CCND3: variants seen among roughly 807,000 people sequenced by gnomAD.
The protein encoded by CCND3 is cyclin D3.
In CCND3, 9 loss-of-function variants were observed where a neutral mutation model predicts 28.7. That is an observed-to-expected ratio of 0.31 (90% CI 0.19 to 0.55). The LOEUF (loss-of-function observed/expected upper bound fraction) is 0.55, where lower values mean the gene tolerates loss of function less well. Ranked by LOEUF, CCND3 falls within the 20% of genes least tolerant of loss-of-function variation. The pLI is 0.93. For synonymous variants in CCND3, 164 were observed against 163.9 expected (o/e 1.00, Z 0.00); for missense variants, 315 against 385.8 (o/e 0.82, Z 1.54).
intron 1 of CCND3, among the ~76,000 whole-genome samples, chr6:42,044,875 G>A (rs965262411): frequency 6.6e-6 from 1 of 150,926 alleles, no homozygotes; most frequent in Non-Finnish European, 1.5e-5. Context: ...TGCAACCTCC[G>A]CCTCCCGGGT....
At chr6:41,999,857 C>T (rs913262659) in intron 1 of CCND3, among the ~76,000 whole-genome samples, 1 of 152,170 alleles carries the variant, frequency 6.6e-6, no homozygotes, top group Non-Finnish European at 1.5e-5. Context: ...TGCCACTGCA[C>T]TCCAGCCTGG....
chr6:41,940,933 C>T lies in CCND3; in HGVS notation c.199-348G>A, dbSNP rs778298773. On this transcript the variant is annotated intron_variant, in intron 1 of 4. Coordinates refer to ENST00000372991, the MANE Select transcript of CCND3 (RefSeq NM_001760.5). Reference sequence around the variant, plus strand: ...GAGAGCTGGGACCTCACCCCCATCACCGCCACCACTGCACACACCCGAGGG... The same window carrying T: ...GAGAGCTGGGACCTCACCCCCATCATCGCCACCACTGCACACACCCGAGGG... 7 of 1,606,922 alleles carry T rather than the reference C, an allele frequency of 4.4e-6. No individual in the cohort carries two copies. In the Admixed American group the frequency reaches 6.7e-5, roughly 15 times the overall value.
intron 1 of CCND3, among the ~76,000 whole-genome samples, chr6:42,039,339 G>C (rs9394855): frequency 0.092 from 14,016 of 152,278 alleles, 762 homozygotes; most frequent in East Asian, 0.22. Flanking sequence ...CAAGGCCTCT[G>C]AGACTTACAG....
Position 41,938,717 on chromosome 6 carries a change from G to A in CCND3, c.415-1323C>T, listed in dbSNP as rs1409623577. ...TGGGAGTGCTTAGCTTCAGTAGGTG[G>A]CAGCGGCCATCACATTCCTGACTTT... On this transcript the variant is annotated intron_variant, in intron 2 of 4. Transcript: ENST00000372991. This position sits in a 1 kb window ranked among gnomAD's most constrained non-coding sequence, Gnocchi z 4.6. Among the ~76,000 whole-genome samples the A allele has an allele frequency of 6.6e-6, 1 of 152,144 alleles. No individual in the cohort carries two copies. Among genetic ancestry groups the A allele is most frequent in the Non-Finnish European group, 1.5e-5 (1 of 68,018 alleles).
At chr6:41,966,363 T>G (rs1389526401) in intron 1 of CCND3, among the ~76,000 whole-genome samples, 2 of 151,952 alleles carry the variant, frequency 1.3e-5, no homozygotes, top group Non-Finnish European at 2.9e-5. Flanking sequence ...GAGGCTGCAA[T>G]GAGCCATAAT....
intron 1 of CCND3, among the ~76,000 whole-genome samples, chr6:41,994,536 C>G (rs2127417686): frequency 6.6e-6 from 1 of 152,222 alleles, no homozygotes; most frequent in South Asian, 2.1e-4. Flanking sequence ...TATATTACTA[C>G]AATGGTGGAT....
intron 1 of CCND3, among the ~76,000 whole-genome samples, chr6:42,026,477 C>T (rs1428799255): frequency 6.6e-6 from 1 of 152,156 alleles, no homozygotes; most frequent in Non-Finnish European, 1.5e-5. Flanking sequence ...GTTCTGGTCC[C>T]TCTGCTCTAG....
intron 1 of CCND3, among the ~76,000 whole-genome samples, chr6:42,022,794 A>G (rs571914589): frequency 6.6e-6 from 1 of 152,092 alleles, no homozygotes; most frequent in Admixed American, 6.5e-5. Context: ...GGGCTTCCTC[A>G]CCCCTCCGCC....
At chr6:41,972,240 A>AAAAAGAAAAGAAAAGAAAAGAAAAG (rs759984779) in intron 1 of CCND3, among the ~76,000 whole-genome samples, 6 of 99,760 alleles carry the variant, frequency 6.0e-5, no homozygotes, top group South Asian at 7.2e-4. Context: ...AAAAAAAAAA[A>AAAAAGAAAAGAAAAGAAAAGAAAAG]AAAAGAAAAG....
intron 1 of CCND3, among the ~76,000 whole-genome samples, chr6:41,948,207 T>C (rs769406818): frequency 1.3e-5 from 2 of 152,180 alleles, no homozygotes; most frequent in Non-Finnish European, 2.9e-5. Flanking sequence ...ATTTTTCTGC[T>C]TACCACTGAT....
intron 1 of CCND3, among the ~76,000 whole-genome samples, chr6:41,987,582 G>A (rs926241515): frequency 3.5e-5 from 5 of 143,060 alleles, no homozygotes; most frequent in African/African-American, 1.0e-4. Context: ...TTGTTCTGTC[G>A]TTCAGGCTAC....
At chr6:41,983,369 CAA>C (rs1418315259) in intron 1 of CCND3, among the ~76,000 whole-genome samples, 18 of 59,652 alleles carry the variant, frequency 3.0e-4, no homozygotes, top group Admixed American at 5.5e-4. Context: ...GACTCTGTCT[CAA>C]AAAAAAAAAA....
At chr6:41,937,620 C>T (rs1226997135) in intron 2 of CCND3, 6 of 582,728 alleles carry the variant, frequency 1.0e-5, no homozygotes, top group Non-Finnish European at 1.8e-5. Flanking sequence ...GCCAGGACAA[C>T]ATGCTTTACA....
At chr6:41,963,240 T>C (rs1362651977) in intron 1 of CCND3, among the ~76,000 whole-genome samples, 2 of 152,202 alleles carry the variant, frequency 1.3e-5, no homozygotes, top group African/African-American at 2.4e-5. Context: ...AAATGCTCCA[T>C]GTCCTTCAAG....
chr6:41,979,267 C>T (rs1762266397), intron 1 of CCND3, among the ~76,000 whole-genome samples: 1 of 151,344 alleles, frequency 6.6e-6, no homozygotes, highest in South Asian at 2.1e-4. Context: ...GGCACAGTGG[C>T]TCACACCTGT....
chr6:41,975,399 C>T (rs1162508760), intron 1 of CCND3, among the ~76,000 whole-genome samples: 1 of 152,136 alleles, frequency 6.6e-6, no homozygotes, highest in Admixed American at 6.6e-5. Flanking sequence ...CCTCCTCAGC[C>T]TCACAGGCTC....
intron 1 of CCND3, among the ~76,000 whole-genome samples, chr6:42,046,268 G>A (rs1395950419): frequency 3.3e-5 from 5 of 152,176 alleles, no homozygotes; most frequent in Non-Finnish European, 7.3e-5. Flanking sequence ...CCGTGCTCTC[G>A]CTTGCATCAC....
chr6:42,034,785 T>C (rs1476012421), intron 1 of CCND3, among the ~76,000 whole-genome samples: 1 of 152,150 alleles, frequency 6.6e-6, no homozygotes, highest in Non-Finnish European at 1.5e-5. Context: ...GCCGACTCTG[T>C]CTCTTAAACA....
intron 1 of CCND3, among the ~76,000 whole-genome samples, chr6:41,947,271 C>T (rs1387903236): frequency 6.6e-6 from 1 of 151,946 alleles, no homozygotes; most frequent in Non-Finnish European, 1.5e-5. Flanking sequence ...CATTTAAAAT[C>T]CCAACACAGC....
Sources: gnomAD v4.1 joint callset for allele counts (sites outside exome capture counted in the v4.1 genomes callset) on GRCh38, gnomAD v4.1.1 for gene constraint, Gnocchi (gnomAD v3.1) non-coding constraint, MANE v1.5 for transcripts, NCBI Gene and HGNC (gene_info 2026-07-23, HGNC 2026-07-21) for gene names.